The following PCDH15 variants were observed in gnomAD, a reference collection of about 807,000 sequenced individuals.
The protein encoded by PCDH15 is protocadherin related 15.
In PCDH15, 129 loss-of-function variants were observed where a neutral mutation model predicts 178.5. That is an observed-to-expected ratio of 0.72 (90% CI 0.63 to 0.84). PCDH15 has a LOEUF of 0.84. PCDH15 is among the 40% of genes least tolerant of loss of function. PCDH15 has a pLI of 0.00. For synonymous variants in PCDH15, 800 were observed against 732.0 expected (o/e 1.09, Z -1.50); for missense variants, 2,230 against 2,099.9 (o/e 1.06, Z -1.21).
chr10:55,317,478 G>T (rs1465340353), intron 1 of PCDH15, among the ~76,000 whole-genome samples: 2 of 149,844 alleles, frequency 1.3e-5, no homozygotes, highest in African/African-American at 4.9e-5. Context: ...GCTTAATAGT[G>T]TTTTTTTTTT....
chr10:54,927,451 C>A (rs890581246), intron 2 of PCDH15, among the ~76,000 whole-genome samples: 2 of 151,938 alleles, frequency 1.3e-5, no homozygotes, highest in Non-Finnish European at 2.9e-5. Flanking sequence ...CTATCAGATT[C>A]ATTTGATCTA....
chr10:54,772,051 C>A (rs1949156889), intron 1 of PCDH15, among the ~76,000 whole-genome samples: 1 of 152,050 alleles, frequency 6.6e-6, no homozygotes, highest in Admixed American at 6.6e-5. Flanking sequence ...AGAAAAGCCA[C>A]CCATGAGTCC....
At chr10:54,268,324 CTAGAA>C (rs1455911086) in intron 8 of PCDH15, among the ~76,000 whole-genome samples, 1 of 151,796 alleles carries the variant, frequency 6.6e-6, no homozygotes, top group Non-Finnish European at 1.5e-5. Flanking sequence ...TATAAGAAGC[CTAGAA>C]TTAGACCTAA....
chr10:55,502,069 A>C (rs1840669470), intron 2 of PCDH15, among the ~76,000 whole-genome samples: 1 of 151,598 alleles, frequency 6.6e-6, no homozygotes, highest in African/African-American at 2.4e-5. Flanking sequence ...AAATTCATTC[A>C]CATGTAAGAA....
chr10:54,973,928 G>A lies in PCDH15; in HGVS notation c.-79-76428C>T, dbSNP rs1006695526. Among the ~76,000 whole-genome samples, 21 of 152,074 alleles carry A rather than the reference G, an allele frequency of 1.4e-4. No homozygotes were observed. In the East Asian group the frequency reaches 2.3e-3, roughly 17 times the overall value. On this transcript the variant is annotated intron_variant, in intron 2 of 5. Transcript: ENST00000458638. ...AAAATTAAAAAGTAATTTCCCAAAT[G>A]TAGATAAGTATACTACTTGTGCCTT...
intron 8 of PCDH15, among the ~76,000 whole-genome samples, chr10:54,262,425 A>G (rs1367317988): frequency 1.3e-5 from 2 of 152,116 alleles, no homozygotes; most frequent in African/African-American, 4.8e-5. Flanking sequence ...CACTCCTGCA[A>G]GAGGGTGTCC....
intron 14 of PCDH15, 36 bp downstream of exon 14, chr10:54,153,064 C>T (rs1288591198): frequency 2.5e-6 from 4 of 1,610,000 alleles, no homozygotes; most frequent in Admixed American, 1.7e-5. Context: ...TAAACGGGCC[C>T]GATGAAAAGA....
intron 2 of PCDH15, among the ~76,000 whole-genome samples, chr10:54,658,867 ACC>A (rs1053760108): frequency 3.3e-5 from 5 of 152,274 alleles, no homozygotes; most frequent in African/African-American, 1.2e-4. Context: ...AAAAAGCAAG[ACC>A]CTACCATTTG....
At chr10:54,381,882 T>A (rs1486732911) in intron 3 of PCDH15, among the ~76,000 whole-genome samples, 1 of 152,118 alleles carries the variant, frequency 6.6e-6, no homozygotes, top group African/African-American at 2.4e-5. Context: ...TAGAATCCAA[T>A]CCATAATCCA....
chr10:54,456,936 G>GT (rs770619807), intron 3 of PCDH15, among the ~76,000 whole-genome samples: 118 of 152,210 alleles, frequency 7.8e-4, no homozygotes, highest in Non-Finnish European at 1.3e-3. Flanking sequence ...TGACATGATT[G>GT]TAAGCTTCCT....
At position 54,710,864 on chromosome 10, in the gene PCDH15, A is replaced by G. The variant is rs187636275; in HGVS notation, c.-28-46574T>C. 5.3e-5 allele frequency among the ~76,000 whole-genome samples: 8 copies of G among 152,118 alleles called. No homozygotes were observed. The East Asian group carries it at 1.5e-3, about 29-fold the overall frequency. On this transcript the variant is annotated intron_variant, in intron 1 of 37. Coordinates refer to ENST00000644397, the MANE Select transcript of PCDH15 (RefSeq NM_001384140.1). ...TTTTTACTCAAATTTTATTCCTGGAAGGAAGATGGCCATATGCAGTAATTT... is the reference window on the plus strand; with the variant it reads ...TTTTTACTCAAATTTTATTCCTGGAGGGAAGATGGCCATATGCAGTAATTT...
At chr10:55,127,012 C>A (rs7071240) in intron 2 of PCDH15, among the ~76,000 whole-genome samples, 124,096 of 151,876 alleles carry the variant, frequency 0.82, 51,959 homozygotes, top group Non-Finnish European at 0.93. Flanking sequence ...CCCCCCACCC[C>A]ACACACAAAA....
intron 1 of PCDH15, among the ~76,000 whole-genome samples, chr10:54,677,498 AG>A (rs2094812815): frequency 6.6e-6 from 1 of 152,106 alleles, no homozygotes; most frequent in Non-Finnish European, 1.5e-5. Flanking sequence ...CGTGCGTGTC[AG>A]GTTGCATATA....
At chr10:53,906,336 G>A (rs979068048) in intron 25 of PCDH15, among the ~76,000 whole-genome samples, 4 of 151,768 alleles carry the variant, frequency 2.6e-5, no homozygotes, top group Non-Finnish European at 5.9e-5. Context: ...CACTAAAAAT[G>A]TTTCTTTCTA....
intron 21 of PCDH15, among the ~76,000 whole-genome samples, chr10:53,985,695 A>G (rs888974819): frequency 2.0e-5 from 3 of 152,162 alleles, no homozygotes; most frequent in Admixed American, 2.0e-4. Context: ...GAGGCATAGC[A>G]CCTTCCTGAC....
chr10:54,299,285 G>T (rs2060003993), intron 8 of PCDH15, among the ~76,000 whole-genome samples: 1 of 149,938 alleles, frequency 6.7e-6, no homozygotes, highest in Non-Finnish European at 1.5e-5. Context: ...GAGAGTCAAA[G>T]AAGTAAAGAG....
At chr10:54,492,117 C>G (rs934018092) in intron 3 of PCDH15, among the ~76,000 whole-genome samples, 10 of 152,100 alleles carry the variant, frequency 6.6e-5, no homozygotes, top group Non-Finnish European at 1.3e-4. Flanking sequence ...TTAAGTGTAG[C>G]GTAAGAATTC....
chr10:55,277,526 T>C (rs938208916), intron 1 of PCDH15, among the ~76,000 whole-genome samples: 2 of 152,064 alleles, frequency 1.3e-5, no homozygotes, highest in African/African-American at 2.4e-5. Context: ...TAGATTCAAG[T>C]AGTGAAAAAG....
intron 1 of PCDH15, among the ~76,000 whole-genome samples, chr10:55,185,567 A>T (rs1251777685): frequency 6.6e-6 from 1 of 151,762 alleles, no homozygotes; most frequent in Non-Finnish European, 1.5e-5. Flanking sequence ...GGAGTTGAGC[A>T]AGTTAAAAAT....
Sources: gnomAD v4.1 joint callset for allele counts (sites outside exome capture counted in the v4.1 genomes callset) on GRCh38, gnomAD v4.1.1 for gene constraint, MANE v1.5 for transcripts, NCBI Gene and HGNC (gene_info 2026-07-23, HGNC 2026-07-21) for gene names.